Variants in CDYL2 observed in about 807,000 individuals in gnomAD.
The protein encoded by CDYL2 is chromodomain Y like 2.
A neutral mutation model predicts 49.4 loss-of-function variants in CDYL2; 23 were observed. That is an observed-to-expected ratio of 0.47 (90% CI 0.34 to 0.66). CDYL2 has a LOEUF of 0.66. CDYL2 is among the 30% of genes least tolerant of loss of function. The pLI, the probability that CDYL2 is intolerant of heterozygous loss-of-function variation, is 0.01. For synonymous variants in CDYL2, 360 were observed against 268.8 expected (o/e 1.34, Z -3.32); for missense variants, 678 against 656.4 (o/e 1.03, Z -0.36).
intron 1 of CDYL2, among the ~76,000 whole-genome samples, chr16:80,699,971 C>T (rs1373233203): frequency 1.3e-5 from 2 of 152,088 alleles, no homozygotes; most frequent in Non-Finnish European, 2.9e-5. Context: ...TGATTCACAC[C>T]ACTCTCCTGC....
At chr16:80,665,161 A>T (rs1909207419) in intron 2 of CDYL2, among the ~76,000 whole-genome samples, 1 of 152,106 alleles carries the variant, frequency 6.6e-6, no homozygotes, top group South Asian at 2.1e-4. Context: ...ATTTTCTACA[A>T]ATCTTCTTAA....
At chr16:80,672,873 C>T (rs1013034487) in intron 2 of CDYL2, among the ~76,000 whole-genome samples, 3 of 152,206 alleles carry the variant, frequency 2.0e-5, no homozygotes, top group Non-Finnish European at 2.9e-5. Context: ...CTGTTATTGT[C>T]ATTATTAACA....
chr16:80,779,587 C>A (rs1907197666), intron 1 of CDYL2, among the ~76,000 whole-genome samples: 1 of 151,780 alleles, frequency 6.6e-6, no homozygotes, highest in African/African-American at 2.4e-5. Flanking sequence ...GTTTAAAATA[C>A]TGAAAATTTC....
intron 1 of CDYL2, among the ~76,000 whole-genome samples, chr16:80,742,811 T>C (rs1905791746): frequency 2.7e-5 from 1 of 36,886 alleles, no homozygotes; most frequent in South Asian, 2.5e-3. Flanking sequence ...AATAGACAGA[T>C]GTAAAATGAA....
chr16:80,749,012 A>G (rs1486711249), intron 1 of CDYL2, among the ~76,000 whole-genome samples: 1 of 152,246 alleles, frequency 6.6e-6, no homozygotes, highest in East Asian at 1.9e-4. Flanking sequence ...ATATAAGGTT[A>G]AAGCTTAAGC....
upstream of CDYL2, among the ~76,000 whole-genome samples, chr16:80,804,601 G>T (rs1370097645): frequency 1.4e-5 from 2 of 144,252 alleles, no homozygotes; most frequent in African/African-American, 5.0e-5. Flanking sequence ...CTGCCACTGG[G>T]CGAGTCCCCG....
chr16:80,647,490 T>C (rs1908402278), intron 2 of CDYL2, among the ~76,000 whole-genome samples: 1 of 152,156 alleles, frequency 6.6e-6, no homozygotes, highest in Admixed American at 6.5e-5. Context: ...AGCAAGAAGA[T>C]ATAAAATTTT....
intron 1 of CDYL2, among the ~76,000 whole-genome samples, chr16:80,701,170 T>C (rs1285647428): frequency 6.6e-6 from 1 of 152,192 alleles, no homozygotes; most frequent in Non-Finnish European, 1.5e-5. Context: ...AGGGACTCTA[T>C]CAAAGTAGAA....
At chr16:80,689,490 T>C (rs1308177390) in intron 1 of CDYL2, among the ~76,000 whole-genome samples, 2 of 152,188 alleles carry the variant, frequency 1.3e-5, no homozygotes, top group African/African-American at 2.4e-5. Flanking sequence ...AACTTTCCCT[T>C]GATCACACAG....
chr16:80,770,346 C>G (rs1248713126), intron 1 of CDYL2, among the ~76,000 whole-genome samples: 1 of 152,044 alleles, frequency 6.6e-6, no homozygotes, highest in African/African-American at 2.4e-5. Context: ...CTTACAAGAA[C>G]CAGAAGGAAT....
intron 2 of CDYL2, among the ~76,000 whole-genome samples, chr16:80,676,994 A>G: frequency 7.9e-6 from 1 of 125,916 alleles, no homozygotes; most frequent in East Asian, 2.3e-4. Flanking sequence ...TTTTTGAGAC[A>G]GAGTCTCGCT....
intron 1 of CDYL2, among the ~76,000 whole-genome samples, chr16:80,730,981 G>A (rs6564788): frequency 1.6e-3 from 250 of 152,178 alleles, no homozygotes; most frequent in Non-Finnish European, 3.2e-3. Context: ...AGATTACAAG[G>A]AGGCAAGAGG....
chr16:80,745,966 C>G (rs1051326830), intron 1 of CDYL2, among the ~76,000 whole-genome samples: 1 of 152,200 alleles, frequency 6.6e-6, no homozygotes, highest in Admixed American at 6.5e-5. Flanking sequence ...CAGGATACCC[C>G]CTCCTGCTAT....
At chr16:80,792,629 A>C (rs749483885) in intron 1 of CDYL2, among the ~76,000 whole-genome samples, 1 of 152,192 alleles carries the variant, frequency 6.6e-6, no homozygotes, top group Non-Finnish European at 1.5e-5. Context: ...GATCCAGAGT[A>C]CAGAGACTCA....
intron 2 of CDYL2, among the ~76,000 whole-genome samples, chr16:80,643,358 C>T (rs1302046987): frequency 6.6e-6 from 1 of 152,210 alleles, no homozygotes; most frequent in Non-Finnish European, 1.5e-5. Context: ...CATGGGTTGG[C>T]ATTGAGTGTC....
At chr16:80,677,456 C>T (rs140193671) in intron 2 of CDYL2, among the ~76,000 whole-genome samples, 57 of 152,122 alleles carry the variant, frequency 3.7e-4, no homozygotes, top group Non-Finnish European at 5.3e-4. Flanking sequence ...AAGGAGGTGT[C>T]GGCCAGGCGC....
intron 1 of CDYL2, among the ~76,000 whole-genome samples, chr16:80,789,989 C>T (rs1365170015): frequency 6.6e-6 from 1 of 152,114 alleles, no homozygotes; most frequent in East Asian, 1.9e-4. Context: ...AGAAACGCAG[C>T]CCCCACCACT....
intron 3 of CDYL2, chr16:80,627,761 C>A (rs1026081727): frequency 6.6e-6 from 1 of 152,192 alleles, no homozygotes; most frequent in African/African-American, 2.4e-5. Flanking sequence ...TTCTTAGAGG[C>A]TTCTGGGATG....
At chr16:80,675,458 A>T (rs1308210430) in intron 2 of CDYL2, among the ~76,000 whole-genome samples, 1 of 152,170 alleles carries the variant, frequency 6.6e-6, no homozygotes, top group East Asian at 1.9e-4. Context: ...CTGCAGTAAG[A>T]CCTCAAGAAA....
Sources: allele counts gnomAD v4.1 joint callset (sites outside exome capture counted in the v4.1 genomes callset), GRCh38; gene constraint gnomAD v4.1.1; transcripts MANE v1.5; gene names NCBI Gene and HGNC (gene_info 2026-07-23, HGNC 2026-07-21).